NPFFR2: variants seen among roughly 807,000 people sequenced by gnomAD.
NPFFR2 encodes the protein neuropeptide FF receptor 2.
NPFFR2 carries 15 observed loss-of-function variants against 13.1 expected under a neutral mutation model. The ratio of observed to expected loss-of-function variants is 1.15; its 90% CI spans 0.77 to 1.76. NPFFR2 has a LOEUF of 1.76. NPFFR2 is among the 40% of genes most tolerant of loss of function. The pLI, the probability that NPFFR2 is intolerant of heterozygous loss-of-function variation, is 0.00. For missense variants in NPFFR2, 572 were observed against 503.5 expected, an observed-to-expected ratio of 1.14 and a Z score of -1.30; for synonymous variants, 190 against 175.7, an observed-to-expected ratio of 1.08 and a Z score of -0.65.
intron 1 of NPFFR2, among the ~76,000 whole-genome samples, chr4:72,062,579 C>T (rs1693094607): frequency 6.6e-6 from 1 of 151,148 alleles, no homozygotes; most frequent in African/African-American, 2.4e-5. Context: ...TATGTCCTTT[C>T]CAATGTGAAA....
intron 3 of NPFFR2, among the ~76,000 whole-genome samples, chr4:72,146,004 T>A (rs902058091): frequency 6.6e-6 from 1 of 152,218 alleles, no homozygotes; most frequent in Admixed American, 6.5e-5. Context: ...GATGCTGAAT[T>A]TTTGTACTCA....
chr4:72,103,366 G>A (rs1326648243), intron 1 of NPFFR2, among the ~76,000 whole-genome samples: 1 of 152,116 alleles, frequency 6.6e-6, no homozygotes, highest in African/African-American at 2.4e-5. Flanking sequence ...TGTCAAAAGA[G>A]GATTTGCTCT....
chr4:72,055,973 A>T (rs554294682), intron 1 of NPFFR2, among the ~76,000 whole-genome samples: 3 of 152,062 alleles, frequency 2.0e-5, no homozygotes, highest in African/African-American at 7.2e-5. Context: ...CAAGGAAAAA[A>T]ATTCTCTCCG....
At chr4:72,101,350 G>T (rs776717142) in intron 1 of NPFFR2, among the ~76,000 whole-genome samples, 1 of 151,756 alleles carries the variant, frequency 6.6e-6, no homozygotes, top group Admixed American at 6.6e-5. Context: ...CTGTAAAAAC[G>T]ATCAGAATAG....
intron 3 of NPFFR2, among the ~76,000 whole-genome samples, chr4:72,144,086 A>C (rs150035119): frequency 6.6e-6 from 1 of 152,310 alleles, no homozygotes; most frequent in Non-Finnish European, 1.5e-5. Flanking sequence ...AGATTTAGAA[A>C]GTACAGCTTG....
chr4:72,047,249 A>C (rs1032736479), intron 1 of NPFFR2, among the ~76,000 whole-genome samples: 1 of 152,188 alleles, frequency 6.6e-6, no homozygotes, highest in African/African-American at 2.4e-5. Context: ...AAAGAGATTA[A>C]TATGGATAAA....
intron 1 of NPFFR2, among the ~76,000 whole-genome samples, chr4:72,117,468 C>T (rs1333318775): frequency 8.5e-5 from 13 of 152,136 alleles, no homozygotes; most frequent in Non-Finnish European, 1.5e-4. Context: ...CAACTTCAAG[C>T]AGCAACCATA....
At chr4:72,038,430 C>T (rs1290624956) in intron 1 of NPFFR2, among the ~76,000 whole-genome samples, 1 of 152,164 alleles carries the variant, frequency 6.6e-6, no homozygotes, top group Non-Finnish European at 1.5e-5. Context: ...AATATTTGTT[C>T]TGTGAAAATT....
chr4:72,088,195 A>AT (rs1019893346), intron 1 of NPFFR2, among the ~76,000 whole-genome samples: 3 of 151,886 alleles, frequency 2.0e-5, no homozygotes, highest in Admixed American at 6.6e-5. Flanking sequence ...TAAAGTACAC[A>AT]TTTTTTTGTA....
chr4:72,097,792 C>T (rs1246236550), intron 1 of NPFFR2, among the ~76,000 whole-genome samples: 2 of 152,104 alleles, frequency 1.3e-5, no homozygotes, highest in African/African-American at 4.8e-5. Context: ...GAATATACAA[C>T]CCCCAAAATA....
intron 1 of NPFFR2, among the ~76,000 whole-genome samples, chr4:72,127,591 C>T (rs1722099051): frequency 6.7e-6 from 1 of 149,368 alleles, no homozygotes. Context: ...TCTCGATCTC[C>T]TGACCTCGTG....
chr4:72,068,873 A>G (rs1290995658), intron 1 of NPFFR2: 24 of 462,430 alleles, frequency 5.2e-5, no homozygotes, highest in Non-Finnish European at 8.5e-5. Context: ...TTTTTCCTGC[A>G]TGGCTCTAGA....
At chr4:72,032,392 T>TG (rs1186185418) in intron 1 of NPFFR2, among the ~76,000 whole-genome samples, 192 bp downstream of exon 1, 6 of 152,332 alleles carry the variant, frequency 3.9e-5, no homozygotes, top group Admixed American at 3.9e-4. Flanking sequence ...CTGCCCTGGA[T>TG]GTCTGCACCA....
intron 1 of NPFFR2, among the ~76,000 whole-genome samples, chr4:72,086,909 T>A (rs6822178): frequency 0.93 from 141,713 of 152,118 alleles, 66,743 homozygotes; most frequent in East Asian, 1. Context: ...TACTGAACTG[T>A]TGATAAACTA....
intron 1 of NPFFR2, among the ~76,000 whole-genome samples, chr4:72,097,011 A>C (rs1721092932): frequency 6.6e-6 from 1 of 151,974 alleles, no homozygotes; most frequent in African/African-American, 2.4e-5. Context: ...ATAATAATAA[A>C]TGTTCTATCA....
chr4:72,096,419 A>T (rs999562454), intron 1 of NPFFR2, among the ~76,000 whole-genome samples: 5 of 152,198 alleles, frequency 3.3e-5, no homozygotes, highest in African/African-American at 1.2e-4. Flanking sequence ...ATGCTGTTGA[A>T]TTAATGTAGT....
chr4:72,070,425 G>A (rs1720209365), intron 1 of NPFFR2, among the ~76,000 whole-genome samples: 1 of 152,032 alleles, frequency 6.6e-6, no homozygotes, highest in African/African-American at 2.4e-5. Context: ...GAAAAATGAG[G>A]AGGGTCACAT....
intron 1 of NPFFR2, among the ~76,000 whole-genome samples, chr4:72,124,501 A>C (rs1721978223): frequency 6.6e-6 from 1 of 152,196 alleles, no homozygotes; most frequent in African/African-American, 2.4e-5. Context: ...AAACTGTACT[A>C]CAAGGCTACT....
rs114838079 is a variant in NPFFR2 at position 72,135,128 on chromosome 4, A to C, written c.329-2912A>C. ...AATATGGTATTACTGCTGAAAAAAC[A>C]TGATATTTAATTCTTTCTTCTTTTG... On this transcript the variant is annotated intron_variant, in intron 2 of 3. Transcript: ENST00000308744. Among the ~76,000 whole-genome samples, 721 of 152,274 alleles carry C rather than the reference A, an allele frequency of 4.7e-3. 7 individuals carry two copies. The highest frequency in any genetic ancestry group is 0.017 in the African/African-American group (693 of 41,556).
Sources: allele counts gnomAD v4.1 joint callset (sites outside exome capture counted in the v4.1 genomes callset), GRCh38; gene constraint gnomAD v4.1.1; transcripts MANE v1.5; gene names NCBI Gene and HGNC (gene_info 2026-07-23, HGNC 2026-07-21).